CDH7: variants seen among roughly 807,000 people sequenced by gnomAD.
CDH7 encodes cadherin-7.
In CDH7, 25 loss-of-function variants were observed where a neutral mutation model predicts 71.8. The ratio of observed to expected loss-of-function variants is 0.35; its 90% CI spans 0.25 to 0.49. CDH7 has a LOEUF of 0.49. Ranked by LOEUF, CDH7 falls within the 20% of genes least tolerant of loss-of-function variation. The pLI is 0.99. For synonymous variants in CDH7, 381 were observed against 363.8 expected (o/e 1.05, Z -0.54); for missense variants, 862 against 974.6 (o/e 0.88, Z 1.54).
At chr18:65,757,874 C>G (rs960279632) in intron 1 of CDH7, among the ~76,000 whole-genome samples, 3 of 151,894 alleles carry the variant, frequency 2.0e-5, no homozygotes, top group African/African-American at 7.3e-5. Context: ...GCAGAGTACT[C>G]ATTTTTTTCT....
chr18:65,872,999 C>T (rs993064621), intron 11 of CDH7, among the ~76,000 whole-genome samples: 2 of 151,410 alleles, frequency 1.3e-5, no homozygotes, highest in African/African-American at 4.9e-5. Context: ...ATTACTAAAA[C>T]TTAATTAGTG....
intron 10 of CDH7, among the ~76,000 whole-genome samples, chr18:65,862,409 A>C (rs1365365601): frequency 6.6e-6 from 1 of 152,230 alleles, no homozygotes; most frequent in Non-Finnish European, 1.5e-5. Flanking sequence ...GTGATGCATA[A>C]ACATTTTCAT....
At position 65,883,121 on chromosome 18, in the gene CDH7, G is replaced by C. The variant is rs922716981; in HGVS notation, c.*2227G>C. The C allele has an allele frequency of 5.3e-5, 8 of 151,764 alleles. No individual in the cohort carries two copies. The highest frequency in any genetic ancestry group is 1.2e-4 in the Non-Finnish European group (8 of 67,886). 9.4% of individuals were successfully genotyped at this position (151,764 alleles called of 1,614,324 possible). ...ACCAATGATAGATTGGAAAAAGAAA[G>C]GTTCATGTTTAAATAATAATTTAAA... On this transcript the variant is annotated 3_prime_UTR_variant, in exon 12 of 12. Transcript: ENST00000397968.
At position 65,806,358 on chromosome 18, in the gene CDH7, C is replaced by G. The variant is rs140764089; in HGVS notation, c.211-3346C>G. ...AATACTTTGAAAAGGATTTAGGAAC[C>G]CAGGCAGTAAAGGTAAGTTTTGTCT... On this transcript the variant is annotated intron_variant, in intron 2 of 11. Transcript: ENST00000397968. 6.0e-3 allele frequency among the ~76,000 whole-genome samples: 910 copies of G among 151,510 alleles called. 13 individuals carry two copies. The highest frequency in any genetic ancestry group is 0.02 in the African/African-American group (833 of 41,292).
chr18:65,766,940 G>A (rs1438792753), intron 2 of CDH7, among the ~76,000 whole-genome samples: 17 of 129,262 alleles, frequency 1.3e-4, no homozygotes, highest in Non-Finnish European at 2.7e-4. Context: ...AAACCACTCA[G>A]CCTCTGTTCC....
In CDH7 at chr18:65,853,906, CATATATATATATATATATATAT is replaced by C. The variant is rs4047846; in HGVS notation, c.1236-3881_1236-3860del. ...AGGAAATGATAACATCATAAATTACCATATATATATATATATATATATATATATATATATATATATATATATA... is the reference window on the plus strand; with the variant it reads ...AGGAAATGATAACATCATAAATTACCATATATATATATATATATATATATA... On this transcript the variant is annotated intron_variant, in intron 7 of 11. Coordinates refer to ENST00000397968, the MANE Select transcript of CDH7 (RefSeq NM_004361.5). Among the ~76,000 whole-genome samples the C allele has an allele frequency of 1.6e-3, 56 of 34,210 alleles. 2 individuals carry two copies. Among genetic ancestry groups the C allele is most frequent in the Middle Eastern group, 0.017 (1 of 58 alleles). The allele number at this position is 34,210 out of a possible 152,430, so 22.4% of individuals were successfully genotyped here.
intron 11 of CDH7, chr18:65,865,567 G>A (rs1304166391): frequency 2.0e-5 from 3 of 152,106 alleles, no homozygotes; most frequent in African/African-American, 7.2e-5. Context: ...GCTTCTGCTT[G>A]CAGCTTCCAT....
chr18:65,781,792 T>TA (rs1568181383), intron 2 of CDH7, among the ~76,000 whole-genome samples: 149 of 68,240 alleles, frequency 2.2e-3, no homozygotes, highest in East Asian at 3.5e-3. Context: ...CCTTCCTTCC[T>TA]TCCTTCCTTC....
intron 2 of CDH7, among the ~76,000 whole-genome samples, chr18:65,792,094 C>A (rs894619738): frequency 6.6e-6 from 1 of 151,828 alleles, no homozygotes; most frequent in African/African-American, 2.4e-5. Flanking sequence ...TTCTTAAGTG[C>A]CCCTGAGGCT....
chr18:65,829,098 C>T, intron 6 of CDH7, among the ~76,000 whole-genome samples: 1 of 95,072 alleles, frequency 1.1e-5, no homozygotes, highest in Non-Finnish European at 2.3e-5. Flanking sequence ...TAAACCTAAG[C>T]AGTATGGTCT....
Position 65,824,764 on chromosome 18 carries a change from A to G in CDH7, c.914A>G (p.Asp305Gly). 6.2e-7 allele frequency: 1 copy of G among 1,612,644 alleles called. No individual in the cohort carries two copies. Among genetic ancestry groups the G allele is most frequent in the Non-Finnish European group, 8.5e-7 (1 of 1,178,908 alleles). Residue 305 changes from aspartate (D) to glycine (G), a missense_variant, in exon 6 of 12, where the codon GAT becomes GGT. Asp to Gly is a moderately conservative substitution (Grantham distance 94, BLOSUM62 -1). Transcript: ENST00000397968. ...ATGGAGTACAAGATTGTGGATGGTGATGGTTTGGGCATTTTTAAGATTTCT... is the reference window on the plus strand; with the variant it reads ...ATGGAGTACAAGATTGTGGATGGTGGTGGTTTGGGCATTTTTAAGATTTCT... ...AEMEYKIVDG[D>G]GLGIFKISVD...
intron 2 of CDH7, among the ~76,000 whole-genome samples, chr18:65,804,746 G>C (rs1395350120): frequency 1.3e-5 from 2 of 149,804 alleles, no homozygotes; most frequent in Non-Finnish European, 3.0e-5. Flanking sequence ...GAGAGAAAAA[G>C]GGAGAGAGAA....
chr18:65,759,599 A>G (rs1916133327), intron 1 of CDH7, among the ~76,000 whole-genome samples: 1 of 152,122 alleles, frequency 6.6e-6, no homozygotes, highest in South Asian at 2.1e-4. Context: ...ACAGCTTTAA[A>G]AGAGCTAACA....
At chr18:65,863,072 C>T (rs533507809) in intron 11 of CDH7, 155 bp downstream of exon 11, 2 of 801,728 alleles carry the variant, frequency 2.5e-6, no homozygotes, top group South Asian at 3.6e-5. Context: ...GGGTCTCACT[C>T]TGTTGCCCAG....
At chr18:65,775,150 T>C (rs1176487381) in intron 2 of CDH7, among the ~76,000 whole-genome samples, 1 of 152,178 alleles carries the variant, frequency 6.6e-6, no homozygotes, top group East Asian at 1.9e-4. Context: ...TGATTGTCTT[T>C]GGCTATGTTA....
intron 6 of CDH7, among the ~76,000 whole-genome samples, chr18:65,842,700 A>G (rs1416938953): frequency 6.6e-6 from 1 of 152,072 alleles, no homozygotes; most frequent in African/African-American, 2.4e-5. Flanking sequence ...GCGTGCCTGC[A>G]TACATATACA....
intron 2 of CDH7, among the ~76,000 whole-genome samples, chr18:65,781,683 TCTGA>T (rs1398195668): frequency 6.6e-6 from 1 of 152,090 alleles, no homozygotes; most frequent in African/African-American, 2.4e-5. Flanking sequence ...TTAATAGCTG[TCTGA>T]CTGATACTTA....
intron 1 of CDH7, among the ~76,000 whole-genome samples, chr18:65,756,315 G>C (rs1916027309): frequency 6.6e-6 from 1 of 152,176 alleles, no homozygotes; most frequent in African/African-American, 2.4e-5. Context: ...ATATCAGTTA[G>C]ATTCTGGAGG....
At position 65,824,816 on chromosome 18, in the gene CDH7, C is replaced by A. The variant is rs267605238; in HGVS notation, c.966C>A (p.Ile322=). 6.2e-7 allele frequency: 1 copy of A among 1,604,532 alleles called. No homozygotes were observed. The highest frequency in any genetic ancestry group is 1.3e-5 in the African/African-American group (1 of 74,666). Residue 322 remains isoleucine (I), a synonymous_variant, in exon 6 of 12, where the codon ATC becomes ATA. Coordinates refer to ENST00000397968, the MANE Select transcript of CDH7 (RefSeq NM_004361.5). ...TTGACAAAGAAACCCAGGAAGGAAT[C>A]ATTACTATACAGAAGGTAATGTTTT... The part of the protein sequence containing the change: ...ISVDKETQEG[I]ITIQKELDFE...
Sources: gnomAD v4.1 joint callset for allele counts (sites outside exome capture counted in the v4.1 genomes callset) on GRCh38, gnomAD v4.1.1 for gene constraint, MANE v1.5 for transcripts, NCBI Gene and HGNC (gene_info 2026-07-23, HGNC 2026-07-21) for gene names.